Variants in DYNLRB2 observed in about 807,000 individuals in gnomAD.
DYNLRB2 encodes bithoraxoid-like protein.
Under a neutral mutation model 12.6 loss-of-function variants are expected in DYNLRB2, and 14 were observed. The observed-to-expected ratio is 1.11, with a 90% CI of 0.73 to 1.73. The LOEUF is 1.73. Ranked by LOEUF, DYNLRB2 falls within the 40% of genes most tolerant of loss-of-function variation. DYNLRB2 has a pLI of 0.00. For synonymous variants in DYNLRB2, 53 were observed against 37.0 expected (o/e 1.43, Z -1.57); for missense variants, 142 against 117.7 (o/e 1.21, Z -0.95).
At chr16:80,546,814 C>G (rs1381526917) in intron 2 of DYNLRB2, among the ~76,000 whole-genome samples, 2 of 152,184 alleles carry the variant, frequency 1.3e-5, no homozygotes. Flanking sequence ...GCCATCCAGC[C>G]AATTCCTTTT....
intron 1 of DYNLRB2, among the ~76,000 whole-genome samples, chr16:80,542,964 C>T (rs956717732): frequency 1.3e-5 from 2 of 152,180 alleles, no homozygotes; most frequent in African/African-American, 2.4e-5. Flanking sequence ...AATTTCCATG[C>T]AATGTAAAGA....
Position 80,549,605 on chromosome 16 carries a change from T to A in DYNLRB2, c.201T>A (p.Thr67=). 6.2e-7 allele frequency: 1 copy of A among 1,612,658 alleles called. No individual in the cohort carries two copies. Among genetic ancestry groups the A allele is most frequent in the Non-Finnish European group, 8.5e-7 (1 of 1,178,974 alleles). ...ATATTGATCCTCAGAACGACCTGAC[T>A]TTTCTTAGGATCAGATCAAAGAAAC... is the stretch of plus-strand genomic sequence containing the variant. ...VRDIDPQNDL[T]FLRIRSKKHE... Residue 67 remains threonine, a synonymous_variant, in exon 3 of 4, where the codon ACT becomes ACA. Transcript: ENST00000305904.
At position 80,541,080 on chromosome 16, in the gene DYNLRB2, G is replaced by A. The variant is rs1465816492; in HGVS notation, c.3+1G>A. 7 of 1,607,724 alleles carry A rather than the reference G, an allele frequency of 4.4e-6. No homozygotes were observed. Among genetic ancestry groups the A allele is most frequent in the South Asian group, 1.1e-5 (1 of 90,210 alleles). ...CCAGAGTTTCGCGGCCTCCGCGATG[G>A]TAAATCTGGGGTCTCCGTCCACGCC... On this transcript the variant is annotated splice_donor_variant, in intron 1 of 3. Transcript: ENST00000305904. LOFTEE classifies it high-confidence loss of function.
At position 80,549,473 on chromosome 16, in the gene DYNLRB2, T is replaced by G. The variant is rs758733743; in HGVS notation, c.80-11T>G. On this transcript the variant is annotated splice_polypyrimidine_tract_variant and intron_variant, in intron 2 of 3. Coordinates refer to ENST00000305904, the MANE Select transcript of DYNLRB2 (RefSeq NM_130897.3). ...AGAAAAAATATTAACCAAAATTAAA[T>G]TTCATAATAGGTATTCCCATCCGAA... 1.3e-6 allele frequency: 2 copies of G among 1,568,096 alleles called. No homozygotes were observed. Among genetic ancestry groups the G allele is most frequent in the East Asian group, 2.3e-5 (1 of 44,022 alleles).
rs564250049 is a variant in DYNLRB2, at chr16:80,549,682, C to A, written c.247+31C>A. ...TTGGCATTTCATTTCCTAGTTAAAT[C>A]ATCTTTCTAATTTGCTAGATTAAAA... is the stretch of plus-strand genomic sequence containing the variant. On this transcript the variant is annotated intron_variant, in intron 3 of 3. Transcript: ENST00000305904. 10 of 1,547,598 alleles carry A rather than the reference C, an allele frequency of 6.5e-6. No individual in the cohort carries two copies. In the East Asian group the frequency reaches 1.6e-4, roughly 25 times the overall value.
At chr16:80,541,211 G>A in intron 1 of DYNLRB2, 132 bp downstream of exon 1, 1 of 1,447,468 alleles carries the variant, frequency 6.9e-7, no homozygotes, top group Non-Finnish European at 9.1e-7. Flanking sequence ...GTGGCTCCAG[G>A]ATCTTCCTGG....
At chr16:80,547,503 A>G (rs906993612) in intron 2 of DYNLRB2, among the ~76,000 whole-genome samples, 6 of 40,324 alleles carry the variant, frequency 1.5e-4, no homozygotes, top group African/African-American at 2.1e-4. Context: ...TCCACCGTGC[A>G]CACTTATTCA....
chr16:80,546,413 T>A (rs1363104847), intron 2 of DYNLRB2, among the ~76,000 whole-genome samples: 1 of 152,208 alleles, frequency 6.6e-6, no homozygotes, highest in South Asian at 2.1e-4. Context: ...CAGATTATAT[T>A]TGTGGTTAGG....
chr16:80,541,252 A>G (rs1432195744), intron 1 of DYNLRB2, 173 bp downstream of exon 1: 8 of 956,050 alleles, frequency 8.4e-6, no homozygotes, highest in African/African-American at 1.8e-5. Flanking sequence ...GGAAAGGGGC[A>G]AGAAGATGTC....
intron 2 of DYNLRB2, among the ~76,000 whole-genome samples, chr16:80,547,572 C>G (rs1170817746): frequency 6.6e-6 from 1 of 152,146 alleles, no homozygotes; most frequent in Non-Finnish European, 1.5e-5. Flanking sequence ...TAGACCTGAG[C>G]ATCTGATTCA....
intron 2 of DYNLRB2, chr16:80,549,031 A>C (rs1185792171): frequency 2.2e-6 from 1 of 455,792 alleles, no homozygotes; most frequent in Admixed American, 2.4e-5. Flanking sequence ...TTTCATATAA[A>C]AATATGTTAA....
chr16:80,549,268 G>T, intron 2 of DYNLRB2: 1 of 483,772 alleles, frequency 2.1e-6, no homozygotes, highest in Non-Finnish European at 3.7e-6. Flanking sequence ...AAAAGCAACA[G>T]TCAAGTTTGT....
At chr16:80,542,341 A>G (rs1346916825) in intron 1 of DYNLRB2, among the ~76,000 whole-genome samples, 1 of 152,236 alleles carries the variant, frequency 6.6e-6, no homozygotes, top group Non-Finnish European at 1.5e-5. Context: ...TCATGAATCT[A>G]GTACACAAAT....
chr16:80,549,658 T>C lies in DYNLRB2; in HGVS notation c.247+7T>C. 1 of 1,578,710 alleles carries C rather than the reference T, an allele frequency of 6.3e-7. No individual in the cohort carries two copies. The highest frequency in any genetic ancestry group is 8.7e-7 in the Non-Finnish European group (1 of 1,155,724). Reference sequence around the variant, plus strand: ...GAAATCATGGTAGCTCCAGGTAATTTGGCATTTCATTTCCTAGTTAAATCA... The same window carrying C: ...GAAATCATGGTAGCTCCAGGTAATTCGGCATTTCATTTCCTAGTTAAATCA... On this transcript the variant is annotated splice_region_variant and intron_variant, in intron 3 of 3. Transcript: ENST00000305904.
Position 80,549,507 on chromosome 16 carries a change from G to T in DYNLRB2, c.103G>T (p.Asp35Tyr), listed in dbSNP as rs199741550. The change falls in exon 3 of 4, where the codon GAC becomes TAC. Residue 35 changes from aspartate to tyrosine, a missense_variant. Transcript: ENST00000305904. ...AEGIPIRTTL[D>Y]NSTTVQYAGL... is the part of the protein sequence containing the mutation. ...AGGTATTCCCATCCGAACAACCTTG[G>T]ACAACTCAACAACTGTTCAATATGC... 2 of 1,609,284 alleles carry T rather than the reference G, an allele frequency of 1.2e-6. No individual in the cohort carries two copies. Among genetic ancestry groups the T allele is most frequent in the Non-Finnish European group, 8.5e-7 (1 of 1,177,084 alleles).
intron 2 of DYNLRB2, chr16:80,548,905 G>C (rs1363112416): frequency 2.2e-6 from 1 of 455,914 alleles, no homozygotes; most frequent in Non-Finnish European, 4.4e-6. Context: ...GTACCCTCTA[G>C]CATGTGCAGT....
chr16:80,541,489 G>T, intron 1 of DYNLRB2: 1 of 671,116 alleles, frequency 1.5e-6, no homozygotes, highest in Non-Finnish European at 1.8e-6. Context: ...GAAAGCAAGG[G>T]AATGGAAGGG....
At chr16:80,549,301 A>T in intron 2 of DYNLRB2, 183 bp from the exon 3 acceptor site, 1 of 573,210 alleles carries the variant, frequency 1.7e-6, no homozygotes, top group Non-Finnish European at 3.0e-6. Context: ...ACACAACTAT[A>T]CTTAAAAATC....
chr16:80,547,686 T>A (rs532063955), intron 2 of DYNLRB2: 2 of 451,564 alleles, frequency 4.4e-6, no homozygotes, highest in South Asian at 3.1e-5. Flanking sequence ...GGATGCAAAA[T>A]AAAACTGCTC....
Sources: gnomAD v4.1 joint callset for allele counts (sites outside exome capture counted in the v4.1 genomes callset) on GRCh38, gnomAD v4.1.1 for gene constraint, MANE v1.5 for transcripts, NCBI Gene and HGNC (gene_info 2026-07-23, HGNC 2026-07-21) for gene names.